CDCA2: variants seen among roughly 807,000 people sequenced by gnomAD.
CDCA2 encodes cell division cycle-associated protein 2.
CDCA2 carries 44 observed loss-of-function variants against 67.0 expected under a neutral mutation model. The observed-to-expected ratio is 0.66, with a 90% CI of 0.52 to 0.84. CDCA2 has a LOEUF of 0.84. Among genes scored for constraint, CDCA2 ranks in the 40% least tolerant of loss-of-function variants. CDCA2 has a pLI of 0.00. For synonymous variants in CDCA2, 447 were observed against 418.7 expected (o/e 1.07, Z -0.82); for missense variants, 1,253 against 1,203.2 (o/e 1.04, Z -0.61).
At chr8:25,488,758 A>AT (rs1175202268) in intron 13 of CDCA2, 69 bp downstream of exon 13, 4 of 1,386,832 alleles carry the variant, frequency 2.9e-6, no homozygotes, top group African/African-American at 1.5e-5. Context: ...AATTAGGAAA[A>AT]TATAGAAACA....
rs976423933 is a variant in CDCA2, at chr8:25,506,537, A to G, written c.1871A>G (p.Glu624Gly). 5 of 1,578,698 alleles carry G rather than the reference A, an allele frequency of 3.2e-6. No individual in the cohort carries two copies. Among genetic ancestry groups the G allele is most frequent in the Non-Finnish European group, 4.3e-6 (5 of 1,169,392 alleles). Residue 624 changes from glutamate to glycine, a missense_variant, in exon 15 of 15, where the codon GAA (glutamate) becomes GGA (glycine). By Grantham distance (98) the Glu-to-Gly change is moderately conservative. Coordinates refer to ENST00000330560, the MANE Select transcript of CDCA2 (RefSeq NM_152562.4). ...SGYFSSNGKL[E>G]EVKTPKNPVK... is the part of the protein sequence containing the mutation. Reference sequence around the variant, plus strand: ...TATTTCAGTTCAAATGGCAAACTGGAAGAAGTGAAGACTCCTAAAAATCCA... The same window carrying G: ...TATTTCAGTTCAAATGGCAAACTGGGAGAAGTGAAGACTCCTAAAAATCCA...
At chr8:25,491,397 GT>G (rs1360240709) in intron 13 of CDCA2, among the ~76,000 whole-genome samples, 2 of 152,198 alleles carry the variant, frequency 1.3e-5, no homozygotes, top group East Asian at 1.9e-4. Context: ...GGGTAGGCCT[GT>G]AACTGTGAAA....
At chr8:25,493,906 A>G (rs762037691) in intron 13 of CDCA2, among the ~76,000 whole-genome samples, 10 of 152,236 alleles carry the variant, frequency 6.6e-5, no homozygotes, top group African/African-American at 9.6e-5. Flanking sequence ...CTAGGAATCC[A>G]TCTCAAAGAT....
At chr8:25,487,116 C>T (rs1210468750) in intron 11 of CDCA2, 130 bp from the exon 12 acceptor site, 3 of 606,662 alleles carry the variant, frequency 4.9e-6, no homozygotes, top group East Asian at 3.1e-5. Context: ...ATTTCTGCTG[C>T]TTGGCTCCTC....
At chr8:25,505,045 C>T (rs4595133) in intron 14 of CDCA2, among the ~76,000 whole-genome samples, 47,765 of 151,982 alleles carry the variant, frequency 0.31, 7,770 homozygotes, top group African/African-American at 0.4. Context: ...TTGTCTGTAA[C>T]CAGTGGTATC....
chr8:25,474,806 G>T (rs1165881856), intron 7 of CDCA2, among the ~76,000 whole-genome samples: 2 of 152,168 alleles, frequency 1.3e-5, no homozygotes, highest in East Asian at 3.9e-4. Context: ...TCTGCTTGAG[G>T]TTGTTGCTTG....
chr8:25,459,611 T>C (rs1211748562), intron 1 of CDCA2, 138 bp downstream of exon 1: 1 of 155,460 alleles, frequency 6.4e-6, no homozygotes, highest in African/African-American at 2.4e-5. Context: ...CCGGACCTGT[T>C]GAGAGAATTT....
chr8:25,478,888 G>GTATATATA (rs71511103), intron 7 of CDCA2, among the ~76,000 whole-genome samples: 5 of 111,594 alleles, frequency 4.5e-5, no homozygotes, highest in South Asian at 2.8e-4. Context: ...TTGTGTGTGT[G>GTATATATA]TATATATATA....
intron 7 of CDCA2, 110 bp downstream of exon 7, chr8:25,470,090 A>G: frequency 1.5e-6 from 1 of 683,488 alleles, no homozygotes. Flanking sequence ...CCTACTTTTT[A>G]GGAGCTCATG....
intron 8 of CDCA2, among the ~76,000 whole-genome samples, chr8:25,482,385 A>G (rs145866536): frequency 6.6e-6 from 1 of 152,154 alleles, no homozygotes; most frequent in African/African-American, 2.4e-5. Flanking sequence ...GATCATTTAC[A>G]TAGTTTTCCT....
At chr8:25,474,142 TC>T (rs1803260847) in intron 7 of CDCA2, among the ~76,000 whole-genome samples, 1 of 152,218 alleles carries the variant, frequency 6.6e-6, no homozygotes, top group African/African-American at 2.4e-5. Flanking sequence ...CAGGGATAAA[TC>T]TAATTTGATC....
chr8:25,468,528 C>G (rs1803016551), intron 6 of CDCA2, 115 bp downstream of exon 6: 1 of 389,978 alleles, frequency 2.6e-6, no homozygotes, highest in Non-Finnish European at 4.4e-6. Flanking sequence ...CCTGTGGTTC[C>G]TGGGGTGTGT....
At chr8:25,476,487 G>T (rs1173511264) in intron 7 of CDCA2, among the ~76,000 whole-genome samples, 1 of 151,968 alleles carries the variant, frequency 6.6e-6, no homozygotes, top group Non-Finnish European at 1.5e-5. Context: ...ATCTCTGTAT[G>T]TGTGTATCTA....
At chr8:25,499,621 T>A (rs1804391436) in intron 13 of CDCA2, among the ~76,000 whole-genome samples, 1 of 151,868 alleles carries the variant, frequency 6.6e-6, no homozygotes, top group African/African-American at 2.4e-5. Context: ...TTTTTAAAAA[T>A]TTTAAAGCTA....
chr8:25,499,004 G>T (rs1323508542), intron 13 of CDCA2, among the ~76,000 whole-genome samples: 2 of 152,142 alleles, frequency 1.3e-5, no homozygotes, highest in Non-Finnish European at 2.9e-5. Flanking sequence ...TCTGGGATTT[G>T]CTTTAAAATA....
At chr8:25,494,044 C>G (rs908344748) in intron 13 of CDCA2, among the ~76,000 whole-genome samples, 1 of 152,152 alleles carries the variant, frequency 6.6e-6, no homozygotes, top group African/African-American at 2.4e-5. Flanking sequence ...TTCCACAAAG[C>G]GAGTATTAGG....
intron 4 of CDCA2, among the ~76,000 whole-genome samples, chr8:25,463,745 G>C (rs998001432): frequency 3.9e-5 from 6 of 152,144 alleles, no homozygotes; most frequent in Non-Finnish European, 8.8e-5. Context: ...TCACCCGGCT[G>C]CTCAGAATCT....
intron 7 of CDCA2, among the ~76,000 whole-genome samples, chr8:25,478,984 T>G (rs995139786): frequency 1.3e-5 from 2 of 151,728 alleles, no homozygotes; most frequent in Non-Finnish European, 2.9e-5. Context: ...AATCCAGTAT[T>G]CCCTTCACCT....
chr8:25,466,023 G>A (rs1802885308), intron 4 of CDCA2, 152 bp from the exon 5 acceptor site: 1 of 549,754 alleles, frequency 1.8e-6, no homozygotes, highest in Non-Finnish European at 3.0e-6. Flanking sequence ...GTAATTCCAG[G>A]GTGAAGAAGC....
Sources: gnomAD v4.1 joint callset for allele counts (sites outside exome capture counted in the v4.1 genomes callset) on GRCh38, gnomAD v4.1.1 for gene constraint, MANE v1.5 for transcripts, NCBI Gene and HGNC (gene_info 2026-07-23, HGNC 2026-07-21) for gene names.